The following LSP1 variants were observed in gnomAD, a reference collection of about 807,000 sequenced individuals.
LSP1 encodes lymphocyte specific protein 1.
In LSP1, 32 loss-of-function variants were observed where a neutral mutation model predicts 49.3. The observed-to-expected ratio is 0.65, with a 90% CI of 0.49 to 0.87. The LOEUF is 0.87. Ranked by LOEUF, LSP1 falls within the 40% of genes least tolerant of loss-of-function variation. The pLI is 0.00. For missense variants in LSP1, 428 were observed against 442.6 expected, an observed-to-expected ratio of 0.97 and a Z score of 0.30; for synonymous variants, 179 against 178.8, an observed-to-expected ratio of 1.00 and a Z score of -0.01.
intron 1 of LSP1, chr11:1,871,294 G>A (rs77501272): frequency 5.1e-6 from 5 of 986,178 alleles, no homozygotes; most frequent in Admixed American, 6.1e-5. Flanking sequence ...CGAGCAGGGC[G>A]GGGCCCTAAC....
intron 1 of LSP1, among the ~76,000 whole-genome samples, chr11:1,873,645 A>G: frequency 6.6e-6 from 1 of 150,638 alleles, no homozygotes; most frequent in South Asian, 2.1e-4. Context: ...GAATGGAAGG[A>G]GGAGGGAGGA....
In LSP1 at chr11:1,871,073, T is replaced by C. The variant is rs985854119; in HGVS notation, c.54-9014T>C. 3.0e-6 allele frequency: 3 copies of C among 985,430 alleles called. No homozygotes were observed. The African/African-American group carries it at 5.2e-5, about 17-fold the overall frequency. 61.0% of individuals were successfully genotyped at this position (985,430 alleles called of 1,614,324 possible). On this transcript the variant is annotated intron_variant, in intron 1 of 10. Coordinates refer to ENST00000311604, the MANE Select transcript of LSP1 (RefSeq NM_002339.3). The stretch of plus-strand genomic sequence containing the variant: ...GGGTGAGAGCTGCGGCGGAGGACGC[T>C]GATCGCGGAGTGCAGGCGAGGGCCC...
At chr11:1,861,822 AATGG>A (rs1348546015) in intron 1 of LSP1, among the ~76,000 whole-genome samples, 2 of 68,054 alleles carry the variant, frequency 2.9e-5, no homozygotes, top group African/African-American at 5.9e-5. Flanking sequence ...TGGATGGGTG[AATGG>A]ATGGATGGAT....
At chr11:1,865,660 G>A (rs113215977) in intron 1 of LSP1, among the ~76,000 whole-genome samples, 4,372 of 112,972 alleles carry the variant, frequency 0.039, 284 homozygotes, top group African/African-American at 0.13. Context: ...ACCCGCTCAC[G>A]CCGTCCCACC....
At chr11:1,865,160 G>A (rs1847745433) in intron 1 of LSP1, 13 of 985,290 alleles carry the variant, frequency 1.3e-5, no homozygotes, top group Non-Finnish European at 1.4e-5. Flanking sequence ...TATCCCCGGG[G>A]CTGGGGTCAG....
chr11:1,882,676 C>T (rs1848594756), intron 3 of LSP1, among the ~76,000 whole-genome samples: 1 of 152,242 alleles, frequency 6.6e-6, no homozygotes, highest in African/African-American at 2.4e-5. Context: ...ACCCCACCCC[C>T]TGCACCTGCC....
intron 1 of LSP1, chr11:1,866,781 A>C (rs1475328014): frequency 9.7e-6 from 15 of 1,550,350 alleles, no homozygotes; most frequent in Non-Finnish European, 1.3e-5. Flanking sequence ...AAATGGGCCC[A>C]AGAGAAGGAA....
chr11:1,876,682 T>G, intron 1 of LSP1: 3 of 962,978 alleles, frequency 3.1e-6, no homozygotes, highest in Non-Finnish European at 3.7e-6. Flanking sequence ...GGATGGGCAT[T>G]GTCAGGCCCT....
At chr11:1,865,654 G>T (rs948436003) in intron 1 of LSP1, among the ~76,000 whole-genome samples, 1 of 143,726 alleles carries the variant, frequency 7.0e-6, no homozygotes, top group Non-Finnish European at 1.5e-5. Flanking sequence ...ACTGTCACCC[G>T]CTCACGCCGT....
At chr11:1,887,410 G>A (rs1159764537) in intron 9 of LSP1, 64 bp from the exon 10 acceptor site, 15 of 1,581,560 alleles carry the variant, frequency 9.5e-6, no homozygotes, top group Non-Finnish European at 1.3e-5. Flanking sequence ...CTTCCCAGAG[G>A]CGGAGGCAGC....
At chr11:1,870,626 CCTT>C (rs1210698101) in intron 1 of LSP1, 1 of 1,097,980 alleles carries the variant, frequency 9.1e-7, no homozygotes, top group Non-Finnish European at 1.1e-6. Context: ...CTGGCTTGGT[CCTT>C]CTCTCTGGGT....
intron 1 of LSP1, among the ~76,000 whole-genome samples, chr11:1,873,233 G>T (rs1372595438): frequency 6.6e-6 from 1 of 151,984 alleles, no homozygotes; most frequent in Non-Finnish European, 1.5e-5. Flanking sequence ...CCTCCCTGGG[G>T]ACCGCTAGGC....
intron 10 of LSP1, chr11:1,891,018 G>A (rs552446034): frequency 1.3e-3 from 221 of 165,136 alleles, no homozygotes; most frequent in Non-Finnish European, 2.5e-3. Flanking sequence ...AGGGCTGGAA[G>A]AGCGGCTGCC....
intron 10 of LSP1, 107 bp downstream of exon 10, chr11:1,887,683 G>T (rs1295550048): frequency 1.2e-6 from 1 of 823,264 alleles, no homozygotes; most frequent in South Asian, 1.6e-5. Context: ...GGCTACAAGG[G>T]TGGACTCCGA....
intron 10 of LSP1, chr11:1,889,741 G>A: frequency 1.5e-6 from 1 of 657,110 alleles, no homozygotes; most frequent in Non-Finnish European, 2.8e-6. Context: ...ACCAGGCTGT[G>A]CGGTGAGGAC....
At chr11:1,869,027 A>G in intron 1 of LSP1, 1 of 986,806 alleles carries the variant, frequency 1.0e-6, no homozygotes, top group Non-Finnish European at 1.2e-6. Context: ...TCTGGAGGGC[A>G]GACAGGAGCC....
chr11:1,853,335 G>T, intron 1 of LSP1, 138 bp downstream of exon 1: 1 of 839,928 alleles, frequency 1.2e-6, no homozygotes, highest in Non-Finnish European at 1.8e-6. Context: ...ATGTCCGATG[G>T]GGAAACTGGG....
intron 1 of LSP1, among the ~76,000 whole-genome samples, chr11:1,878,264 C>T (rs1373489437): frequency 2.0e-5 from 3 of 152,078 alleles, no homozygotes; most frequent in East Asian, 1.9e-4. Context: ...GGGGCTGGGG[C>T]GTGAGTGAGC....
chr11:1,876,678 G>A, intron 1 of LSP1: 1 of 968,006 alleles, frequency 1.0e-6, no homozygotes, highest in Non-Finnish European at 1.2e-6. Context: ...CCGAGGATGG[G>A]CATTGTCAGG....
Sources: allele counts gnomAD v4.1 joint callset (sites outside exome capture counted in the v4.1 genomes callset), GRCh38; gene constraint gnomAD v4.1.1; transcripts MANE v1.5; gene names NCBI Gene and HGNC (gene_info 2026-07-23, HGNC 2026-07-21).